Variants in TNFRSF19 observed in about 807,000 individuals in gnomAD.
TNFRSF19 encodes tumor necrosis factor receptor superfamily member 19.
TNFRSF19 carries 27 observed loss-of-function variants against 46.4 expected under a neutral mutation model. The observed-to-expected ratio is 0.58, with a 90% CI of 0.43 to 0.80. The LOEUF (loss-of-function observed/expected upper bound fraction) is 0.80, where lower values mean the gene tolerates loss of function less well. Ranked by LOEUF, TNFRSF19 falls within the 30% of genes least tolerant of loss-of-function variation. The pLI is 0.00. For synonymous variants in TNFRSF19, 204 were observed against 205.0 expected (o/e 1.00, Z 0.04); for missense variants, 511 against 530.8 (o/e 0.96, Z 0.37).
rs146552419 is a variant in TNFRSF19, at chr13:23,619,101, G to A, written c.359+3056G>A. ...ACCCAGTCTGTGATATTCTATTACA[G>A]CAGCACAAAACCGACTAAGACAAAC... On this transcript the variant is annotated intron_variant, in intron 4 of 9. Coordinates refer to ENST00000248484, the MANE Select transcript of TNFRSF19 (RefSeq NM_148957.4). Among the ~76,000 whole-genome samples the A allele has an allele frequency of 3.9e-4, 59 of 152,282 alleles. No homozygotes were observed. The East Asian group carries it at 9.8e-3, about 25-fold the overall frequency.
At chr13:23,576,440 C>G (rs984384270) in intron 1 of TNFRSF19, among the ~76,000 whole-genome samples, 1 of 152,072 alleles carries the variant, frequency 6.6e-6, no homozygotes, top group Non-Finnish European at 1.5e-5. Context: ...GCCCACAGAA[C>G]TCTTTTTATA....
At chr13:23,591,529 C>T (rs1879286702) in intron 2 of TNFRSF19, among the ~76,000 whole-genome samples, 1 of 151,658 alleles carries the variant, frequency 6.6e-6, no homozygotes, top group South Asian at 2.1e-4. Context: ...TGTAGGAGAG[C>T]TTCCCTGCTG....
At chr13:23,621,325 C>T (rs1220779237) in intron 4 of TNFRSF19, among the ~76,000 whole-genome samples, 1 of 152,162 alleles carries the variant, frequency 6.6e-6, no homozygotes, top group Non-Finnish European at 1.5e-5. Flanking sequence ...AGCATTTGTT[C>T]ACCTTCAGAT....
At chr13:23,660,021 G>A (rs771954929) in intron 6 of TNFRSF19, among the ~76,000 whole-genome samples, 1 of 152,132 alleles carries the variant, frequency 6.6e-6, no homozygotes, top group African/African-American at 2.4e-5. Context: ...AGAGGCTGAA[G>A]AAAATCTGTG....
chr13:23,574,836 G>C (rs781383073), intron 1 of TNFRSF19, among the ~76,000 whole-genome samples: 4 of 152,182 alleles, frequency 2.6e-5, no homozygotes, highest in Non-Finnish European at 5.9e-5. Context: ...CTCCAAAGTT[G>C]TTACCTCAAA....
At chr13:23,629,831 G>C (rs747015418) in intron 5 of TNFRSF19, among the ~76,000 whole-genome samples, 1 of 152,118 alleles carries the variant, frequency 6.6e-6, no homozygotes, top group African/African-American at 2.4e-5. Context: ...GCCTGTCCTC[G>C]GCCATACCCT....
chr13:23,673,350 T>C, intron 9 of TNFRSF19, 22 bp from the exon 10 acceptor site: 1 of 1,593,774 alleles, frequency 6.3e-7, no homozygotes, highest in Non-Finnish European at 8.6e-7. Flanking sequence ...TTTCTAAAGC[T>C]TCCTTTCTGT....
At chr13:23,637,505 C>T (rs1882763897) in intron 5 of TNFRSF19, among the ~76,000 whole-genome samples, 2 of 152,214 alleles carry the variant, frequency 1.3e-5, no homozygotes, top group Admixed American at 1.3e-4. Flanking sequence ...GAGTTTTGTG[C>T]TTTGCCGTAA....
intron 5 of TNFRSF19, among the ~76,000 whole-genome samples, chr13:23,654,567 A>G (rs1267950467): frequency 6.6e-6 from 1 of 152,176 alleles, no homozygotes; most frequent in Non-Finnish European, 1.5e-5. Context: ...AAGCCCTGTG[A>G]CTGCTCTGTG....
chr13:23,622,529 A>C (rs1365111301), intron 4 of TNFRSF19, among the ~76,000 whole-genome samples: 1 of 152,196 alleles, frequency 6.6e-6, no homozygotes, highest in African/African-American at 2.4e-5. Context: ...AAATTTTGGC[A>C]AATATATTCT....
chr13:23,591,659 C>G (rs1174827085), intron 2 of TNFRSF19, among the ~76,000 whole-genome samples: 1 of 150,980 alleles, frequency 6.6e-6, no homozygotes, highest in Non-Finnish European at 1.5e-5. Flanking sequence ...AAGTAAACTG[C>G]AAGACTGGGA....
At chr13:23,635,459 A>T (rs1050407140) in intron 5 of TNFRSF19, among the ~76,000 whole-genome samples, 1 of 151,134 alleles carries the variant, frequency 6.6e-6, no homozygotes, top group Non-Finnish European at 1.5e-5. Flanking sequence ...GCTCACTACA[A>T]CCTCTGCCTC....
intron 5 of TNFRSF19, among the ~76,000 whole-genome samples, chr13:23,656,083 G>A (rs1348273764): frequency 2.0e-5 from 3 of 152,130 alleles, no homozygotes; most frequent in Non-Finnish European, 4.4e-5. Context: ...GAGGGTGTTT[G>A]GATCAATAAG....
At chr13:23,587,459 T>G (rs1878926370) in intron 1 of TNFRSF19, among the ~76,000 whole-genome samples, 1 of 152,208 alleles carries the variant, frequency 6.6e-6, no homozygotes, top group Non-Finnish European at 1.5e-5. Context: ...AAGGAACAAG[T>G]TGTAGTGTCT....
intron 2 of TNFRSF19, 69 bp from the exon 3 acceptor site, chr13:23,593,276 G>A (rs1879446446): frequency 3.4e-6 from 3 of 876,356 alleles, no homozygotes; most frequent in Admixed American, 2.7e-5. Flanking sequence ...TGAAAATATT[G>A]TTCCTTTCTT....
intron 1 of TNFRSF19, among the ~76,000 whole-genome samples, chr13:23,574,263 CAATT>C (rs1206938329): frequency 6.6e-6 from 1 of 151,854 alleles, no homozygotes; most frequent in Non-Finnish European, 1.5e-5. Flanking sequence ...CACTCATTAT[CAATT>C]AATTCAATAT....
At chr13:23,640,440 T>C (rs1299261300) in intron 5 of TNFRSF19, among the ~76,000 whole-genome samples, 1 of 152,198 alleles carries the variant, frequency 6.6e-6, no homozygotes, top group Non-Finnish European at 1.5e-5. Context: ...GACTAACCTG[T>C]ACCCAGCTTT....
chr13:23,648,196 A>G (rs572207530), intron 5 of TNFRSF19, among the ~76,000 whole-genome samples: 13 of 152,338 alleles, frequency 8.5e-5, no homozygotes, highest in African/African-American at 3.1e-4. Flanking sequence ...CATCTTAACA[A>G]TAGTAATTTT....
chr13:23,644,444 C>T (rs1260279398), intron 5 of TNFRSF19, among the ~76,000 whole-genome samples: 1 of 152,126 alleles, frequency 6.6e-6, no homozygotes, highest in African/African-American at 2.4e-5. Context: ...TCCTTGCTGC[C>T]GCCATGTGAA....
Sources: gnomAD v4.1 joint callset for allele counts (sites outside exome capture counted in the v4.1 genomes callset) on GRCh38, gnomAD v4.1.1 for gene constraint, MANE v1.5 for transcripts, NCBI Gene and HGNC (gene_info 2026-07-23, HGNC 2026-07-21) for gene names.